Variants in CLSTN1 observed in about 807,000 individuals in gnomAD.
CLSTN1 encodes calsyntenin 1, also known as calsyntenin-1.
A neutral mutation model predicts 108.3 loss-of-function variants in CLSTN1; 28 were observed. The ratio of observed to expected loss-of-function variants is 0.26; its 90% CI spans 0.19 to 0.35. The LOEUF (loss-of-function observed/expected upper bound fraction) is 0.35. Among genes scored for constraint, CLSTN1 ranks in the 10% least tolerant of loss-of-function variants. The pLI is 1.00. For synonymous variants in CLSTN1, 524 were observed against 534.9 expected, an observed-to-expected ratio of 0.98 and a Z score of 0.28; for missense variants, 1,157 against 1,302.6, an observed-to-expected ratio of 0.89 and a Z score of 1.72.
rs147362643 is a variant in CLSTN1 at position 9,735,971 on chromosome 1, C to A, written c.1648G>T (p.Ala550Ser). 1.8e-4 allele frequency: 297 copies of A among 1,614,062 alleles called. 1 individual carries two copies. Among genetic ancestry groups the A allele is most frequent in the Non-Finnish European group, 3.6e-5 (42 of 1,180,046 alleles). ...AGACAGTCGATCACCTTCTTATCCGCGAGTTTCCCGGAACGGAGAGTTAAG... is the reference window on the plus strand; with the variant it reads ...AGACAGTCGATCACCTTCTTATCCGAGAGTTTCCCGGAACGGAGAGTTAAG... Reference protein sequence around the residue: ...AGLTLRSGKLADKKVIDCLYT... With the variant: ...AGLTLRSGKLSDKKVIDCLYT... Residue 550 changes from alanine (A) to serine (S), a missense_variant, in exon 12 of 19, where the codon GCG becomes TCG. By Grantham distance (99) the Ala-to-Ser change is moderately conservative. Coordinates refer to ENST00000377298, the MANE Select transcript of CLSTN1 (RefSeq NM_001009566.3).
intron 2 of CLSTN1, among the ~76,000 whole-genome samples, chr1:9,766,373 A>G (rs773244734): frequency 3.9e-5 from 6 of 152,074 alleles, no homozygotes; most frequent in Non-Finnish European, 8.8e-5. Context: ...ATGTAAACAA[A>G]ATAGGCCGGG....
chr1:9,753,462 C>G (rs565524759), intron 4 of CLSTN1, among the ~76,000 whole-genome samples: 10 of 151,892 alleles, frequency 6.6e-5, no homozygotes, highest in Non-Finnish European at 1.3e-4. Flanking sequence ...ATTGTGGCAG[C>G]GAGCCAGCCT....
intron 4 of CLSTN1, among the ~76,000 whole-genome samples, chr1:9,752,849 G>A (rs915634399): frequency 3.3e-5 from 5 of 152,038 alleles, no homozygotes; most frequent in Non-Finnish European, 1.5e-5. Flanking sequence ...GTGACAGAGC[G>A]AGACTCTGCC....
At chr1:9,789,153 G>A (rs1188132144) in intron 1 of CLSTN1, among the ~76,000 whole-genome samples, 1 of 151,382 alleles carries the variant, frequency 6.6e-6, no homozygotes, top group African/African-American at 2.4e-5. Flanking sequence ...AATACCTCAA[G>A]GCCCTGTTTT....
intron 11 of CLSTN1, among the ~76,000 whole-genome samples, chr1:9,737,005 G>A (rs549117429): frequency 8.1e-4 from 124 of 152,182 alleles, no homozygotes; most frequent in Non-Finnish European, 1.6e-3. Flanking sequence ...CCCAGGAGGT[G>A]GAGGTTGCAG....
chr1:9,733,318 G>A, intron 16 of CLSTN1, 83 bp downstream of exon 16: 1 of 1,537,240 alleles, frequency 6.5e-7, no homozygotes, highest in East Asian at 2.3e-5. Flanking sequence ...TCTGAGGTTG[G>A]CGTTTGTGAA....
chr1:9,793,138 T>C (rs936423874), intron 1 of CLSTN1, among the ~76,000 whole-genome samples: 1 of 151,166 alleles, frequency 6.6e-6, no homozygotes, highest in Non-Finnish European at 1.5e-5. Flanking sequence ...TCAGCCTCCC[T>C]AGCAGCTGGG....
intron 3 of CLSTN1, 39 bp downstream of exon 3, chr1:9,756,442 T>C: frequency 1.3e-6 from 2 of 1,572,738 alleles, no homozygotes; most frequent in Non-Finnish European, 8.7e-7. Context: ...AGTTAGTGGG[T>C]TAATATTCAT....
chr1:9,749,926 A>G lies in CLSTN1; in HGVS notation c.650-13T>C. On this transcript the variant is annotated splice_polypyrimidine_tract_variant and intron_variant, in intron 5 of 18. Transcript: ENST00000377298. ...TTTTTTATATAACCTTACAGAGGGC[A>G]AAAACAACAGTGAGAGCCAAAACCC... 6.2e-7 allele frequency: 1 copy of G among 1,609,456 alleles called. No individual in the cohort carries two copies. The highest frequency in any genetic ancestry group is 1.3e-5 in the African/African-American group (1 of 74,786).
intron 1 of CLSTN1, among the ~76,000 whole-genome samples, chr1:9,782,993 C>G (rs1034123739): frequency 6.6e-6 from 1 of 151,762 alleles, no homozygotes; most frequent in South Asian, 2.1e-4. Flanking sequence ...GGTGACAGAG[C>G]GAGACTCCAT....
intron 1 of CLSTN1, among the ~76,000 whole-genome samples, chr1:9,804,712 G>T (rs1000011742): frequency 6.6e-6 from 1 of 152,112 alleles, no homozygotes; most frequent in Non-Finnish European, 1.5e-5. Flanking sequence ...CAGGCATGTA[G>T]TCCCAGCTAT....
rs988640375 is a variant in CLSTN1 at position 9,729,539 on chromosome 1, C to T, written c.*969G>A. ...AGTACGGATCGCTCAGGCCTCCTGC[C>T]GTCTCCAAAAGGAGTGGTCAGCCGG... On this transcript the variant is annotated 3_prime_UTR_variant, in exon 19 of 19. Coordinates refer to ENST00000377298, the MANE Select transcript of CLSTN1 (RefSeq NM_001009566.3). 3 of 151,432 alleles carry T rather than the reference C, an allele frequency of 2.0e-5. No homozygotes were observed. The highest frequency in any genetic ancestry group is 1.9e-4 in the East Asian group (1 of 5,192). 9.4% of individuals were successfully genotyped at this position (151,432 alleles called of 1,614,324 possible).
At chr1:9,801,974 A>C (rs1277659214) in intron 1 of CLSTN1, among the ~76,000 whole-genome samples, 1 of 152,104 alleles carries the variant, frequency 6.6e-6, no homozygotes, top group Non-Finnish European at 1.5e-5. Flanking sequence ...AACAGCAAAC[A>C]CATGTTTACT....
chr1:9,781,548 A>G (rs1406896702), intron 1 of CLSTN1, among the ~76,000 whole-genome samples: 1 of 151,386 alleles, frequency 6.6e-6, no homozygotes, highest in East Asian at 1.9e-4. Flanking sequence ...GGTTCAAGCG[A>G]TTCTCCTGCC....
At chr1:9,775,954 C>T (rs529918591) in intron 1 of CLSTN1, among the ~76,000 whole-genome samples, 66 of 152,020 alleles carry the variant, frequency 4.3e-4, no homozygotes, top group African/African-American at 1.6e-3. Context: ...GGAAGACAGA[C>T]CAGAACAAAG....
At chr1:9,769,712 G>C (rs1411403477) in intron 2 of CLSTN1, among the ~76,000 whole-genome samples, 2 of 152,106 alleles carry the variant, frequency 1.3e-5, no homozygotes, top group African/African-American at 4.8e-5. Flanking sequence ...ATGGTTTTTG[G>C]AACATTCTAA....
intron 1 of CLSTN1, among the ~76,000 whole-genome samples, chr1:9,786,989 C>G (rs1006342240): frequency 1.3e-5 from 2 of 151,528 alleles, no homozygotes; most frequent in Middle Eastern, 3.4e-3. Flanking sequence ...ACATGAGCCT[C>G]AGGGTAGGAT....
At chr1:9,746,331 A>G (rs1651266467) in intron 7 of CLSTN1, among the ~76,000 whole-genome samples, 1 of 152,236 alleles carries the variant, frequency 6.6e-6, no homozygotes, top group Non-Finnish European at 1.5e-5. Flanking sequence ...AAGATTTTGC[A>G]AGCTCCTTCT....
intron 7 of CLSTN1, among the ~76,000 whole-genome samples, chr1:9,747,826 G>A (rs1012777866): frequency 3.3e-5 from 5 of 151,984 alleles, no homozygotes; most frequent in East Asian, 1.9e-4. Context: ...GGCGGATCAC[G>A]AGGTCAGGAG....
Sources: allele counts gnomAD v4.1 joint callset (sites outside exome capture counted in the v4.1 genomes callset), GRCh38; gene constraint gnomAD v4.1.1; transcripts MANE v1.5; gene names NCBI Gene and HGNC (gene_info 2026-07-23, HGNC 2026-07-21).